Variants in BARD1 observed in about 807,000 individuals in gnomAD.
The protein encoded by BARD1 is BRCA1-associated RING domain protein 1.
BARD1 carries 73 observed loss-of-function variants against 77.0 expected under a neutral mutation model. The observed-to-expected ratio is 0.95, with a 90% CI of 0.79 to 1.15. BARD1 has a LOEUF of 1.15. Among genes scored for constraint, BARD1 ranks in the 50% most tolerant of loss-of-function variants. The pLI, the probability that BARD1 is intolerant of heterozygous loss-of-function variation, is 0.00. For missense variants in BARD1, 993 were observed against 938.8 expected (o/e 1.06, Z -0.75); for synonymous variants, 384 against 338.0 (o/e 1.14, Z -1.49).
chr2:214,789,000 TG>T (rs1320037221), intron 3 of BARD1, among the ~76,000 whole-genome samples: 1 of 152,018 alleles, frequency 6.6e-6, no homozygotes, highest in African/African-American at 2.4e-5. Flanking sequence ...GATGAAAAGT[TG>T]GGGGTCTATA....
At chr2:214,792,210 A>C (rs1214109264) in intron 3 of BARD1, 87 bp downstream of exon 3, 36 of 1,277,734 alleles carry the variant, frequency 2.8e-5, no homozygotes, top group Non-Finnish European at 3.3e-5. Flanking sequence ...CCAGAACTCC[A>C]GATAGATGTT....
chr2:214,758,507 A>G (rs1390167419), intron 6 of BARD1, among the ~76,000 whole-genome samples: 1 of 152,198 alleles, frequency 6.6e-6, no homozygotes, highest in Admixed American at 6.5e-5. Flanking sequence ...GATACAATTG[A>G]TGCATGTTTT....
chr2:214,758,765 A>G (rs547811585), intron 6 of BARD1, among the ~76,000 whole-genome samples: 3 of 152,222 alleles, frequency 2.0e-5, no homozygotes, highest in Non-Finnish European at 4.4e-5. Context: ...TTCAGGATGC[A>G]GTATAACCTT....
At chr2:214,759,318 G>A (rs1022548266) in intron 6 of BARD1, among the ~76,000 whole-genome samples, 7 of 152,056 alleles carry the variant, frequency 4.6e-5, no homozygotes, top group Non-Finnish European at 8.8e-5. Context: ...AGAAGCACAT[G>A]TTATTCGCCA....
Position 214,797,124 on chromosome 2 carries a change from G to A in BARD1, c.159-7C>T, listed in dbSNP as rs533403598. 4.3e-6 allele frequency: 7 copies of A among 1,609,996 alleles called. No individual in the cohort carries two copies. The African/African-American group carries it at 5.3e-5, about 12-fold the overall frequency. On this transcript the variant is annotated splice_polypyrimidine_tract_variant and splice_region_variant and intron_variant, in intron 1 of 10. Coordinates refer to ENST00000260947, the MANE Select transcript of BARD1 (RefSeq NM_000465.4). ...CTCTCTCAGAATGTTAGTACTGTTT[G>A]AAGAAATTAAAACAATCAAGATTTG...
chr2:214,757,975 G>C (rs1693775989), intron 6 of BARD1, among the ~76,000 whole-genome samples: 1 of 152,146 alleles, frequency 6.6e-6, no homozygotes, highest in African/African-American at 2.4e-5. Context: ...GTGAGAGAAA[G>C]AGAGGGAATG....
chr2:214,772,136 T>C (rs1372575601), intron 4 of BARD1, among the ~76,000 whole-genome samples: 1 of 151,980 alleles, frequency 6.6e-6, no homozygotes, highest in African/African-American at 2.4e-5. Flanking sequence ...CAGCTAATTT[T>C]TTTTATTGTT....
In BARD1 at chr2:214,793,806, A is replaced by G. The variant is rs144094733; in HGVS notation, c.216-1361T>C. Among the ~76,000 whole-genome samples, 42 of 152,290 alleles carry G rather than the reference A, an allele frequency of 2.8e-4. No individual in the cohort carries two copies. The East Asian group carries it at 8.1e-3, about 29-fold the overall frequency. On this transcript the variant is annotated intron_variant, in intron 2 of 10. Coordinates refer to ENST00000260947, the MANE Select transcript of BARD1 (RefSeq NM_000465.4). Reference sequence around the variant, plus strand: ...GGTGGACCTGTATAGCTCAGTGAGTATTTCTCAAATGACCCGTGTGTGATG... The same window carrying G: ...GGTGGACCTGTATAGCTCAGTGAGTGTTTCTCAAATGACCCGTGTGTGATG...
At chr2:214,774,149 T>C (rs1436926315) in intron 4 of BARD1, among the ~76,000 whole-genome samples, 1 of 152,208 alleles carries the variant, frequency 6.6e-6, no homozygotes, top group Non-Finnish European at 1.5e-5. Flanking sequence ...CTATTTCTAC[T>C]ACATCTATAG....
intron 6 of BARD1, among the ~76,000 whole-genome samples, chr2:214,758,025 G>A (rs1332155909): frequency 1.3e-5 from 2 of 152,166 alleles, no homozygotes; most frequent in Non-Finnish European, 2.9e-5. Flanking sequence ...TGTAAGCTAT[G>A]GTCAGATTAT....
At chr2:214,733,072 G>A (rs1035972425) in intron 9 of BARD1, among the ~76,000 whole-genome samples, 3 of 152,168 alleles carry the variant, frequency 2.0e-5, no homozygotes, top group Non-Finnish European at 4.4e-5. Flanking sequence ...CTACCTTCTT[G>A]TTTTAAAGAT....
At chr2:214,735,821 A>G (rs1292065568) in intron 9 of BARD1, among the ~76,000 whole-genome samples, 1 of 152,178 alleles carries the variant, frequency 6.6e-6, no homozygotes, top group Non-Finnish European at 1.5e-5. Context: ...TGAATACTCC[A>G]TCTCTCCAAA....
At chr2:214,767,731 A>T (rs1367070174) in intron 5 of BARD1, 77 bp from the exon 6 acceptor site, 1 of 1,339,188 alleles carries the variant, frequency 7.5e-7, no homozygotes, top group South Asian at 1.2e-5. Flanking sequence ...ATCACACTTT[A>T]GAAAAATAAA....
chr2:214,781,582 TG>T (rs1359822563), intron 3 of BARD1, 73 bp from the exon 4 acceptor site: 41 of 1,217,426 alleles, frequency 3.4e-5, no homozygotes, highest in Non-Finnish European at 4.6e-5. Context: ...CGAAGAATTT[TG>T]TTTACAGTTC....
chr2:214,790,954 A>G (rs1174530470), intron 3 of BARD1, among the ~76,000 whole-genome samples: 2 of 152,214 alleles, frequency 1.3e-5, no homozygotes, highest in African/African-American at 4.8e-5. Flanking sequence ...GGTAGATCAC[A>G]CACCAATCTC....
chr2:214,738,370 A>T (rs1692659987), intron 9 of BARD1, among the ~76,000 whole-genome samples: 1 of 152,172 alleles, frequency 6.6e-6, no homozygotes, highest in Non-Finnish European at 1.5e-5. Context: ...CAAAGTCATT[A>T]AGGTAGCTCT....
intron 9 of BARD1, 114 bp downstream of exon 9, chr2:214,744,953 G>T: frequency 1.0e-6 from 1 of 980,910 alleles, no homozygotes; most frequent in Non-Finnish European, 1.6e-6. Context: ...AAAATGCAGT[G>T]ACTAACCAGA....
intron 6 of BARD1, among the ~76,000 whole-genome samples, chr2:214,759,076 A>AT (rs1693829803): frequency 6.6e-6 from 1 of 152,224 alleles, no homozygotes; most frequent in African/African-American, 2.4e-5. Context: ...ATGGAGCAGG[A>AT]TAAAGCAGAG....
In BARD1 at chr2:214,778,795, A is replaced by C. The variant is rs1008778306; in HGVS notation, c.1314+1765T>G. Among the ~76,000 whole-genome samples, 6 of 152,320 alleles carry C rather than the reference A, an allele frequency of 3.9e-5. No individual in the cohort carries two copies. The South Asian group carries it at 1.0e-3, about 26-fold the overall frequency. ...CTGCACCTTTAAGAAAGAACTTACA[A>C]AACTCTGGCCTAGACCCTAGGGATC... On this transcript the variant is annotated intron_variant, in intron 4 of 10. Transcript: ENST00000260947.
Sources: allele counts gnomAD v4.1 joint callset (sites outside exome capture counted in the v4.1 genomes callset), GRCh38; gene constraint gnomAD v4.1.1; transcripts MANE v1.5; gene names NCBI Gene and HGNC (gene_info 2026-07-23, HGNC 2026-07-21).